PREX2: variants seen among roughly 807,000 people sequenced by gnomAD.
PREX2 encodes phosphatidylinositol 3,4,5-trisphosphate-dependent Rac exchanger 2 protein.
Under a neutral mutation model 203.2 loss-of-function variants are expected in PREX2, and 107 were observed. The ratio of observed to expected loss-of-function variants is 0.53; its 90% CI spans 0.45 to 0.62. The LOEUF (loss-of-function observed/expected upper bound fraction) is 0.62, where lower values mean the gene tolerates loss of function less well. Among genes scored for constraint, PREX2 ranks in the 20% least tolerant of loss-of-function variants. The pLI is 0.00. For synonymous variants in PREX2, 672 were observed against 663.6 expected, an observed-to-expected ratio of 1.01 and a Z score of -0.19; for missense variants, 1,777 against 1,955.9, an observed-to-expected ratio of 0.91 and a Z score of 1.72.
intron 30 of PREX2, 126 bp downstream of exon 30, chr8:68,121,175 G>C (rs551970091): frequency 2.0e-6 from 2 of 996,816 alleles, no homozygotes; most frequent in Non-Finnish European, 1.5e-6. Flanking sequence ...GAAAATAAAA[G>C]TACTGAAAAT....
intron 22 of PREX2, among the ~76,000 whole-genome samples, chr8:68,099,099 A>G (rs1414181813): frequency 1.3e-5 from 2 of 151,788 alleles, no homozygotes; most frequent in Non-Finnish European, 1.5e-5. Context: ...TGAAAACATC[A>G]CATAAATACT....
intron 26 of PREX2, among the ~76,000 whole-genome samples, chr8:68,116,631 C>T (rs999798369): frequency 5.3e-5 from 8 of 152,132 alleles, no homozygotes; most frequent in African/African-American, 9.7e-5. Flanking sequence ...TGTCTCTGCA[C>T]GTCATCTTCC....
At chr8:68,096,435 G>C (rs774185055) in intron 21 of PREX2, among the ~76,000 whole-genome samples, 1 of 152,022 alleles carries the variant, frequency 6.6e-6, no homozygotes, top group African/African-American at 2.4e-5. Context: ...ACCAGCTGAC[G>C]TACCATATGT....
chr8:68,053,200 G>A lies in PREX2; in HGVS notation c.1047G>A (p.Lys349=). ...GTATGGCAAAAACACCTGAAGAGAA[G>A]CATGAATGGTTTGAAGCTATTTTGA... The part of the protein sequence containing the change: ...FVCMAKTPEE[K]HEWFEAILKE... The change falls in exon 9 of 40, where the codon AAG becomes AAA. Residue 349 remains lysine (K), a synonymous_variant. Transcript: ENST00000288368. 6.2e-7 allele frequency: 1 copy of A among 1,613,724 alleles called. No homozygotes were observed. The highest frequency in any genetic ancestry group is 1.1e-5 in the South Asian group (1 of 91,062).
intron 14 of PREX2, among the ~76,000 whole-genome samples, chr8:68,075,928 T>A (rs1809334959): frequency 6.6e-6 from 1 of 152,050 alleles, no homozygotes; most frequent in South Asian, 2.1e-4. Flanking sequence ...GCATTGCAGC[T>A]ATGAACAATT....
intron 30 of PREX2, among the ~76,000 whole-genome samples, chr8:68,122,973 A>G (rs981124347): frequency 5.3e-5 from 8 of 152,206 alleles, no homozygotes; most frequent in African/African-American, 9.6e-5. Context: ...GGAAGAATGT[A>G]TATTCTGTTG....
chr8:68,182,774 C>G (rs1812110537), intron 35 of PREX2, among the ~76,000 whole-genome samples: 1 of 151,812 alleles, frequency 6.6e-6, no homozygotes, highest in African/African-American at 2.4e-5. Flanking sequence ...AAAAATGGGT[C>G]TCTGCCCACT....
chr8:68,077,641 G>A (rs896856030), intron 15 of PREX2, among the ~76,000 whole-genome samples, 172 bp downstream of exon 15: 2 of 152,088 alleles, frequency 1.3e-5, no homozygotes, highest in African/African-American at 2.4e-5. Context: ...TTTTACTGCT[G>A]GTGCCATCCC....
At chr8:68,046,081 A>G (rs569162928) in intron 8 of PREX2, among the ~76,000 whole-genome samples, 236 of 152,194 alleles carry the variant, frequency 1.6e-3, no homozygotes, top group African/African-American at 5.5e-3. Flanking sequence ...CTGATTACCC[A>G]TAATGGGACC....
At chr8:68,119,625 C>T (rs1169902687) in intron 28 of PREX2, 111 bp downstream of exon 28, 1 of 719,178 alleles carries the variant, frequency 1.4e-6, no homozygotes, top group East Asian at 2.5e-5. Context: ...CTCAATCTGT[C>T]CTTCCACCTC....
At chr8:67,956,876 A>C (rs1805505883) in intron 1 of PREX2, among the ~76,000 whole-genome samples, 1 of 152,188 alleles carries the variant, frequency 6.6e-6, no homozygotes, top group Admixed American at 6.5e-5. Context: ...CCAGGCTTTG[A>C]TCTTGGATAC....
intron 32 of PREX2, among the ~76,000 whole-genome samples, chr8:68,137,557 C>T (rs151034078): frequency 1.3e-3 from 205 of 152,290 alleles, no homozygotes; most frequent in African/African-American, 4.7e-3. Flanking sequence ...AGGTGTGAGC[C>T]ACCGTGCCTG....
Position 68,055,880 on chromosome 8 carries a change from G to A in PREX2, c.1144G>A (p.Gly382Ser), listed in dbSNP as rs754147525. The A allele has an allele frequency of 9.7e-5, 156 of 1,613,390 alleles. No homozygotes were observed. The highest frequency in any genetic ancestry group is 1.3e-4 in the Non-Finnish European group (153 of 1,179,618). Residue 382 changes from glycine to serine, a missense_variant, in exon 10 of 40, where the codon GGT becomes AGT. Physicochemically the swap from Gly to Ser is moderately conservative, Grantham distance 56. Transcript: ENST00000288368. ...TACCTGGGTCATGATCTCTGAACAG[G>A]GTGAGAAACTTTATAAAATGATGTG... The part of the protein sequence containing the change: ...QDTWVMISEQ[G>S]EKLYKMMCRQ...
intron 35 of PREX2, among the ~76,000 whole-genome samples, chr8:68,183,795 A>G (rs1812134700): frequency 6.6e-6 from 1 of 152,166 alleles, no homozygotes; most frequent in African/African-American, 2.4e-5. Flanking sequence ...TACCTCTCAC[A>G]ACATCATTAC....
At chr8:68,151,353 G>C (rs530681573) in intron 34 of PREX2, among the ~76,000 whole-genome samples, 14 of 152,162 alleles carry the variant, frequency 9.2e-5, no homozygotes, top group African/African-American at 2.6e-4. Flanking sequence ...AGAGGCCGAG[G>C]CTGTAGTGAA....
rs779930208 is a variant in PREX2, at chr8:68,080,834, C to T, written c.1874C>T (p.Ala625Val). Residue 625 changes from alanine to valine, a missense_variant, in exon 17 of 40, where the codon GCT becomes GTT. Transcript: ENST00000288368. ...AAGTTGGTAGAAAAGGGATCTAATG[C>T]TGAGGTAATGTAAATTAGCGTTTTA... is the stretch of plus-strand genomic sequence containing the variant. ...IIKLVEKGSN[A>V]EMAGMEVGKK... 1 of 1,437,058 alleles carries T rather than the reference C, an allele frequency of 7.0e-7. No individual in the cohort carries two copies. The highest frequency in any genetic ancestry group is 1.2e-5 in the South Asian group (1 of 83,520). The allele number at this position is 1,437,058 out of a possible 1,614,324, so 89.0% of individuals were successfully genotyped here. A position where few individuals can be genotyped will look rare whatever the true frequency, so the allele number is the denominator to read the frequency against.
chr8:67,966,445 A>G (rs1368103641), intron 1 of PREX2, among the ~76,000 whole-genome samples: 2 of 151,602 alleles, frequency 1.3e-5, no homozygotes, highest in South Asian at 4.2e-4. Flanking sequence ...TTTTTTTCCA[A>G]ATAATACAGA....
intron 1 of PREX2, among the ~76,000 whole-genome samples, chr8:68,005,969 G>A (rs917548666): frequency 6.6e-6 from 1 of 152,202 alleles, no homozygotes; most frequent in Non-Finnish European, 1.5e-5. Flanking sequence ...ATAATTTCAG[G>A]ACATATGCAT....
chr8:68,141,020 TTCTAGGGATA>T (rs1310910275), intron 33 of PREX2, among the ~76,000 whole-genome samples: 2 of 152,164 alleles, frequency 1.3e-5, no homozygotes, highest in African/African-American at 4.8e-5. Flanking sequence ...CTGAACCAAG[TTCTAGGGATA>T]TCATGGTGTG....
Sources: allele counts gnomAD v4.1 joint callset (sites outside exome capture counted in the v4.1 genomes callset), GRCh38; gene constraint gnomAD v4.1.1; transcripts MANE v1.5; gene names NCBI Gene and HGNC (gene_info 2026-07-23, HGNC 2026-07-21).